The following NARF variants were observed in gnomAD, a reference collection of about 807,000 sequenced individuals.
NARF encodes the protein iron-only hydrogenase-like protein 2.
NARF carries 41 observed loss-of-function variants against 48.0 expected under a neutral mutation model. The ratio of observed to expected loss-of-function variants is 0.85; its 90% confidence interval spans 0.66 to 1.11. The LOEUF (loss-of-function observed/expected upper bound fraction) is 1.11, where lower values mean the gene tolerates loss of function less well. NARF is among the 50% of genes least tolerant of loss of function. The probability of loss-of-function intolerance (pLI) is 0.00; values close to 1 mark genes in which losing one functional copy is unlikely to be tolerated. For synonymous variants in NARF, 215 were observed against 225.5 expected (o/e 0.95, Z 0.42); for missense variants, 613 against 590.2 (o/e 1.04, Z -0.40).
At chr17:82,464,165 C>A in intron 2 of NARF, 122 bp from the exon 3 acceptor site, 1 of 1,307,844 alleles carries the variant, frequency 7.6e-7, no homozygotes, top group Non-Finnish European at 1.1e-6. Flanking sequence ...GAGCACCAGG[C>A]CTGGACCCTG....
intron 5 of NARF, among the ~76,000 whole-genome samples, chr17:82,474,699 T>C (rs1332153687): frequency 6.6e-6 from 1 of 152,236 alleles, no homozygotes; most frequent in African/African-American, 2.4e-5. Context: ...AGATGGAACA[T>C]TGACATCGTG....
chr17:82,473,578 C>G (rs2043766961), intron 5 of NARF, among the ~76,000 whole-genome samples: 1 of 149,696 alleles, frequency 6.7e-6, no homozygotes, highest in African/African-American at 2.5e-5. Flanking sequence ...GTCTCGATCT[C>G]CTGACCTCGT....
rs2044170593 is a variant in NARF, at chr17:82,490,024, A to G, written c.*1867A>G. ...ATTCTTAGTTGAGACGGGTTTCGCC[A>G]TGTTGATCGGGCCGGTCAGGCTGGA... is the stretch of plus-strand genomic sequence containing the variant. On this transcript the variant is annotated 3_prime_UTR_variant, in exon 11 of 11. Coordinates refer to ENST00000309794, the MANE Select transcript of NARF (RefSeq NM_012336.4). 1 of 152,220 alleles carries G rather than the reference A, an allele frequency of 6.6e-6. No individual in the cohort carries two copies. The highest frequency in any genetic ancestry group is 2.4e-5 in the African/African-American group (1 of 41,460). The allele number at this position is 152,220 out of a possible 1,614,324, so 9.4% of individuals were successfully genotyped here.
intron 3 of NARF, among the ~76,000 whole-genome samples, chr17:82,466,201 G>C (rs192799831): frequency 6.6e-6 from 1 of 152,186 alleles, no homozygotes; most frequent in Non-Finnish European, 1.5e-5. Flanking sequence ...GAAAGTGTCT[G>C]TGTCACTTTA....
chr17:82,488,302 C>A lies in NARF; in HGVS notation c.*145C>A. ...TTGGTTTCTCCGAGTTCCCTGCTAC[C>A]CCGTTTATTGGAGGCCCCTCAGGCA... On this transcript the variant is annotated 3_prime_UTR_variant, in exon 11 of 11. Transcript: ENST00000309794. 7.6e-7 allele frequency: 1 copy of A among 1,307,196 alleles called. No individual in the cohort carries two copies. Among genetic ancestry groups the A allele is most frequent in the South Asian group, 1.5e-5 (1 of 65,118 alleles). 81.0% of individuals were successfully genotyped at this position (1,307,196 alleles called of 1,614,324 possible). A position where few individuals can be genotyped will look rare whatever the true frequency, so the allele number is the denominator to read the frequency against.
chr17:82,463,627 G>C (rs1322119876), intron 2 of NARF: 1 of 152,490 alleles, frequency 6.6e-6, no homozygotes, highest in East Asian at 1.9e-4. Context: ...CACTGGCTTT[G>C]CCCAGGCCCT....
At chr17:82,461,559 C>T (rs925604681) in intron 2 of NARF, among the ~76,000 whole-genome samples, 2 of 152,092 alleles carry the variant, frequency 1.3e-5, no homozygotes, top group African/African-American at 2.4e-5. Context: ...TGAGGTGAGC[C>T]GAGATCACGC....
Position 82,488,094 on chromosome 17 carries a change from G to A in NARF, c.1308G>A (p.Glu436=). The A allele has an allele frequency of 6.2e-7, 1 of 1,614,042 alleles. No homozygotes were observed. The highest frequency in any genetic ancestry group is 2.2e-5 in the East Asian group (1 of 44,876). The change falls in exon 11 of 11, where the codon GAG becomes GAA. Residue 436 remains glutamate (E), a synonymous_variant. Coordinates refer to ENST00000309794, the MANE Select transcript of NARF (RefSeq NM_012336.4). ...LEGINSPKAR[E]VLHTTYQSQE... Reference sequence around the variant, plus strand: ...GGATCAACTCCCCCAAGGCCCGAGAGGTGCTGCATACCACGTACCAGAGCC... The same window carrying A: ...GGATCAACTCCCCCAAGGCCCGAGAAGTGCTGCATACCACGTACCAGAGCC...
intron 5 of NARF, among the ~76,000 whole-genome samples, chr17:82,475,578 CAG>C (rs143946110): frequency 0.023 from 3,566 of 152,334 alleles, 56 homozygotes; most frequent in Admixed American, 0.046. Flanking sequence ...GCCTGGGTAA[CAG>C]AGCAACCCTG....
chr17:82,472,531 G>A lies in NARF; in HGVS notation c.386-33G>A, dbSNP rs370016047. 8.3e-6 allele frequency: 13 copies of A among 1,563,906 alleles called. No individual in the cohort carries two copies. The East Asian group carries it at 1.9e-4, about 22-fold the overall frequency. On this transcript the variant is annotated intron_variant, in intron 4 of 10. Coordinates refer to ENST00000309794, the MANE Select transcript of NARF (RefSeq NM_012336.4). The stretch of plus-strand genomic sequence containing the variant: ...CCTAAAAGTAGATCTTTTAGTACGT[G>A]ATTTAAGCTGAATATGCTCCTCTCT...
intron 10 of NARF, among the ~76,000 whole-genome samples, chr17:82,486,959 G>T (rs754749323): frequency 3.9e-5 from 6 of 152,228 alleles, no homozygotes; most frequent in Non-Finnish European, 5.9e-5. Flanking sequence ...TGGGCTCACA[G>T]CTTAGCTGCC....
chr17:82,460,915 A>ATTTTTTTTTTTTTTTTTT (rs137987200), intron 2 of NARF: 1 of 149,620 alleles, frequency 6.7e-6, no homozygotes, highest in African/African-American at 2.5e-5. Context: ...TCTTCTTTTA[A>ATTTTTTTTTTTTTTTTTT]TTTTTTTTTT....
At chr17:82,471,474 C>A (rs117928323) in intron 4 of NARF, among the ~76,000 whole-genome samples, 3,362 of 143,902 alleles carry the variant, frequency 0.023, 54 homozygotes, top group Admixed American at 0.047. Context: ...AAAAAAAATT[C>A]AGTATAAAAA....
chr17:82,464,194 A>G (rs2043505623), intron 2 of NARF, 93 bp from the exon 3 acceptor site: 3 of 1,483,450 alleles, frequency 2.0e-6, no homozygotes, highest in Middle Eastern at 1.8e-4. Context: ...TCCAATGTTT[A>G]CTGTGAATTC....
intron 2 of NARF, chr17:82,464,023 G>C (rs1348871179): frequency 1.5e-5 from 6 of 413,334 alleles, no homozygotes; most frequent in Non-Finnish European, 2.6e-5. Context: ...CCACGTGACA[G>C]TGCTAGGGCT....
In NARF at chr17:82,485,077, T is replaced by G. The variant is rs113520504; in HGVS notation, c.971+127T>G. On this transcript the variant is annotated intron_variant, in intron 9 of 10. Coordinates refer to ENST00000309794, the MANE Select transcript of NARF (RefSeq NM_012336.4). ...ACACTAGTCAAAATCAAAAGGACTT[T>G]TTTGTGTTTATTCAGACCTTTTATT... 3,702 of 1,245,844 alleles carry G rather than the reference T, an allele frequency of 3.0e-3. 103 individuals carry two copies. The African/African-American group carries it at 0.052, about 18-fold the overall frequency. 77.2% of individuals were successfully genotyped at this position (1,245,844 alleles called of 1,614,324 possible). A position where few individuals can be genotyped will look rare whatever the true frequency, so the allele number is the denominator to read the frequency against.
chr17:82,480,321 GCCT>G (rs1009317441), intron 6 of NARF: 15 of 397,654 alleles, frequency 3.8e-5, no homozygotes, highest in Non-Finnish European at 5.3e-5. Flanking sequence ...ACTCACTCAG[GCCT>G]CCTGCAATGG....
At chr17:82,474,399 A>G (rs1229302726) in intron 5 of NARF, among the ~76,000 whole-genome samples, 1 of 152,132 alleles carries the variant, frequency 6.6e-6, no homozygotes, top group African/African-American at 2.4e-5. Context: ...GATTTGTCAC[A>G]TGCTTTTCAA....
rs1482961177 is a variant in NARF, at chr17:82,463,935, CCAAAGAGGAAGGGGT to C, written c.109-350_109-336del. 6 of 194,080 alleles carry C rather than the reference CCAAAGAGGAAGGGGT, an allele frequency of 3.1e-5. No homozygotes were observed. In the Admixed American group the frequency reaches 3.3e-4, roughly 11 times the overall value. 12.0% of individuals were successfully genotyped at this position (194,080 alleles called of 1,614,324 possible). ...CAGTCAGAGGGCTGGATCACAGGCA[CCAAAGAGGAAGGGGT>C]CTAGGAGGAAGGGGTCTAGCAGTGG... On this transcript the variant is annotated intron_variant, in intron 2 of 10. Coordinates refer to ENST00000309794, the MANE Select transcript of NARF (RefSeq NM_012336.4).
Sources: allele counts gnomAD v4.1 joint callset (sites outside exome capture counted in the v4.1 genomes callset), GRCh38; gene constraint gnomAD v4.1.1; transcripts MANE v1.5; gene names NCBI Gene and HGNC (gene_info 2026-07-23, HGNC 2026-07-21).